The following ABCC6 variants were observed in gnomAD, a reference collection of about 807,000 sequenced individuals.
The protein encoded by ABCC6 is ATP-binding cassette sub-family C member 6.
A neutral mutation model predicts 169.5 loss-of-function variants in ABCC6; 126 were observed. That is an observed-to-expected ratio of 0.74 (90% CI 0.64 to 0.86). The LOEUF (loss-of-function observed/expected upper bound fraction) is 0.86, where lower values mean the gene tolerates loss of function less well. ABCC6 is among the 40% of genes least tolerant of loss of function. The pLI is 0.00. For synonymous variants in ABCC6, 752 were observed against 814.7 expected, an observed-to-expected ratio of 0.92 and a Z score of 1.31; for missense variants, 1,733 against 1,927.2, an observed-to-expected ratio of 0.90 and a Z score of 1.89.
chr16:16,173,110 AT>A, intron 21 of ABCC6, 173 bp downstream of exon 21: 6 of 752,246 alleles, frequency 8.0e-6, no homozygotes, highest in South Asian at 7.3e-5. Context: ...TATCATATCT[AT>A]TTTTTAGGGT....
intron 25 of ABCC6, among the ~76,000 whole-genome samples, chr16:16,160,100 G>C (rs946501012): frequency 6.6e-6 from 1 of 152,052 alleles, no homozygotes; most frequent in Admixed American, 6.6e-5. Context: ...TCTTCTTGCT[G>C]TTCCTCTAAC....
chr16:16,210,086 G>A (rs1464385181), intron 6 of ABCC6, among the ~76,000 whole-genome samples: 4 of 151,966 alleles, frequency 2.6e-5, no homozygotes, highest in South Asian at 2.1e-4. Context: ...CCTGGTTCTG[G>A]TCTCTGACTC....
chr16:16,164,806 A>T (rs1450563218), intron 23 of ABCC6, among the ~76,000 whole-genome samples: 1 of 152,182 alleles, frequency 6.6e-6, no homozygotes, highest in Non-Finnish European at 1.5e-5. Context: ...GTACTTTGCT[A>T]ACTAGTCCCC....
intron 7 of ABCC6, among the ~76,000 whole-genome samples, chr16:16,205,540 G>A (rs2048368627): frequency 6.6e-6 from 1 of 152,060 alleles, no homozygotes; most frequent in Non-Finnish European, 1.5e-5. Context: ...TGGCATCTAT[G>A]GAGGGTTGTG....
In ABCC6 at chr16:16,159,526, C is replaced by T. The variant is rs141728905; in HGVS notation, c.3691G>A (p.Val1231Met). ...RNWTDLENSI[V>M]SVERMQDYAW... Reference sequence around the variant, plus strand: ...TAGTCCTGCATCCGCTCCACTGACACGATGCTGTTCTCTAGGTCTGTCCAG... The same window carrying T: ...TAGTCCTGCATCCGCTCCACTGACATGATGCTGTTCTCTAGGTCTGTCCAG... Residue 1231 changes from valine to methionine, a missense_variant, in exon 26 of 31, where the codon GTG becomes ATG. By Grantham distance (21) the Val-to-Met change is conservative (BLOSUM62 1). Transcript: ENST00000205557. The T allele has an allele frequency of 6.8e-5, 110 of 1,614,038 alleles. No homozygotes were observed. The highest frequency in any genetic ancestry group is 8.6e-5 in the Non-Finnish European group (101 of 1,180,038).
intron 22 of ABCC6, among the ~76,000 whole-genome samples, chr16:16,166,311 A>G (rs1301987522): frequency 2.0e-5 from 3 of 152,008 alleles, no homozygotes; most frequent in Non-Finnish European, 2.9e-5. Flanking sequence ...GGCCTCCCAA[A>G]GTGCTGAGAT....
chr16:16,190,902 G>C (rs1233564219), intron 11 of ABCC6, among the ~76,000 whole-genome samples: 1 of 125,906 alleles, frequency 7.9e-6, no homozygotes, highest in Non-Finnish European at 1.7e-5. Flanking sequence ...GGAGGGGCTT[G>C]AGATGGGGGT....
At chr16:16,169,601 G>A (rs1339783451) in intron 22 of ABCC6, 45 bp downstream of exon 22, 1 of 1,602,618 alleles carries the variant, frequency 6.2e-7, no homozygotes, top group Non-Finnish European at 8.5e-7. Flanking sequence ...AGCACCCCTT[G>A]GTGCAGCTGG....
chr16:16,195,882 G>C (rs1349619633), intron 10 of ABCC6, among the ~76,000 whole-genome samples: 1 of 151,916 alleles, frequency 6.6e-6, no homozygotes, highest in East Asian at 1.9e-4. Context: ...GTTTTTTTTG[G>C]AATATTCAGC....
rs771578225 is a variant in ABCC6 at position 16,221,751 on chromosome 16, T to A, written c.117A>T (p.Val39=). The change falls in exon 2 of 31, where the codon GTA becomes GTT. Residue 39 remains valine, a synonymous_variant. Coordinates refer to ENST00000205557, the MANE Select transcript of ABCC6 (RefSeq NM_001171.6). ...LCFLRTAGVW[V]PPMYLWVLGP... is the part of the protein sequence containing the mutation. ...CAAGGACCCAGAGGTACATGGGGGGTACCCAGACCCCTGCTGTTCTCAGGA... is the reference window on the plus strand; with the variant it reads ...CAAGGACCCAGAGGTACATGGGGGGAACCCAGACCCCTGCTGTTCTCAGGA... 2 of 1,613,100 alleles carry A rather than the reference T, an allele frequency of 1.2e-6. No homozygotes were observed. Among genetic ancestry groups the A allele is most frequent in the South Asian group, 2.2e-5 (2 of 91,004 alleles).
chr16:16,199,425 G>A (rs1377886154), intron 9 of ABCC6, among the ~76,000 whole-genome samples: 2 of 128,532 alleles, frequency 1.6e-5, no homozygotes, highest in African/African-American at 5.2e-5. Context: ...TGGAATCCAG[G>A]GTGACGAAGG....
chr16:16,172,915 G>A (rs2644984), intron 21 of ABCC6, among the ~76,000 whole-genome samples: 13,723 of 151,938 alleles, frequency 0.09, 746 homozygotes, highest in East Asian at 0.25. Context: ...GGTGGCACAC[G>A]CCTGTAGTCC....
intron 25 of ABCC6, among the ~76,000 whole-genome samples, chr16:16,161,157 C>T (rs1272108491): frequency 1.3e-5 from 2 of 152,234 alleles, no homozygotes; most frequent in African/African-American, 4.8e-5. Flanking sequence ...ACAGGATATG[C>T]TTTGTCTCAA....
intron 14 of ABCC6, 30 bp from the exon 15 acceptor site, chr16:16,185,064 G>C (rs2047604871): frequency 1.2e-6 from 2 of 1,601,304 alleles, no homozygotes; most frequent in African/African-American, 1.3e-5. Context: ...ATTTACAGGA[G>C]ACCCCTGACC....
At chr16:16,213,134 G>T (rs1021257391) in intron 5 of ABCC6, among the ~76,000 whole-genome samples, 24 of 150,612 alleles carry the variant, frequency 1.6e-4, no homozygotes, top group Middle Eastern at 3.4e-3. Context: ...ACCCAGGCTG[G>T]AGTGCAATGG....
At chr16:16,166,674 G>T (rs1253230709) in intron 22 of ABCC6, among the ~76,000 whole-genome samples, 4 of 152,022 alleles carry the variant, frequency 2.6e-5, no homozygotes, top group Non-Finnish European at 4.4e-5. Context: ...GAGGTCAGGA[G>T]TTCGAGACCA....
chr16:16,186,495 C>G (rs1190780790), intron 14 of ABCC6, among the ~76,000 whole-genome samples: 1 of 151,782 alleles, frequency 6.6e-6, no homozygotes, highest in Non-Finnish European at 1.5e-5. Flanking sequence ...CCATCACCGC[C>G]TGAGCTCCAC....
At chr16:16,184,716 G>C (rs954264711) in intron 15 of ABCC6, among the ~76,000 whole-genome samples, 2 of 152,058 alleles carry the variant, frequency 1.3e-5, no homozygotes, top group African/African-American at 4.8e-5. Context: ...CCCCCTAATG[G>C]GGGAGGCTCA....
chr16:16,174,122 G>A (rs1277922135), intron 20 of ABCC6, among the ~76,000 whole-genome samples: 8 of 152,040 alleles, frequency 5.3e-5, no homozygotes, highest in Non-Finnish European at 1.2e-4. Context: ...TTAAATTGAG[G>A]TTAGCCCAAA....
Sources: gnomAD v4.1 joint callset for allele counts (sites outside exome capture counted in the v4.1 genomes callset) on GRCh38, gnomAD v4.1.1 for gene constraint, MANE v1.5 for transcripts, NCBI Gene and HGNC (gene_info 2026-07-23, HGNC 2026-07-21) for gene names.